Variants in ARHGEF28 observed in about 807,000 individuals in gnomAD.
ARHGEF28 encodes Rho guanine nucleotide exchange factor 28.
A neutral mutation model predicts 206.6 loss-of-function variants in ARHGEF28; 152 were observed. The ratio of observed to expected loss-of-function variants is 0.74; its 90% confidence interval spans 0.64 to 0.84. The LOEUF (loss-of-function observed/expected upper bound fraction) is 0.84. Among genes scored for constraint, ARHGEF28 ranks in the 40% least tolerant of loss-of-function variants. The probability of loss-of-function intolerance (pLI) is 0.00; values close to 1 mark genes in which losing one functional copy is unlikely to be tolerated. For missense variants in ARHGEF28, 2,028 were observed against 2,073.2 expected, an observed-to-expected ratio of 0.98 and a Z score of 0.42; for synonymous variants, 763 against 776.4, an observed-to-expected ratio of 0.98 and a Z score of 0.29.
intron 9 of ARHGEF28, among the ~76,000 whole-genome samples, chr5:73,810,012 G>GAAA (rs200779340): frequency 6.6e-6 from 1 of 151,572 alleles, no homozygotes; most frequent in Non-Finnish European, 1.5e-5. Flanking sequence ...ATAAACTACA[G>GAAA]AAAAAAAACC....
intron 16 of ARHGEF28, 116 bp downstream of exon 16, chr5:73,858,335 T>C: frequency 3.8e-6 from 5 of 1,320,380 alleles, no homozygotes; most frequent in Admixed American, 2.7e-5. Context: ...CACATATGAC[T>C]GAACCGTTTA....
intron 22 of ARHGEF28, among the ~76,000 whole-genome samples, chr5:73,874,613 C>A (rs1468844925): frequency 7.2e-6 from 1 of 138,530 alleles, no homozygotes; most frequent in Non-Finnish European, 1.5e-5. Context: ...GATCCCCTTC[C>A]AGTGTCCATG....
intron 4 of ARHGEF28, among the ~76,000 whole-genome samples, chr5:73,756,637 G>A (rs758825198): frequency 3.3e-5 from 5 of 152,142 alleles, no homozygotes; most frequent in Non-Finnish European, 5.9e-5. Flanking sequence ...TATGTATGTA[G>A]GGGCTCATAT....
chr5:73,901,564 G>T, intron 31 of ARHGEF28: 1 of 189,378 alleles, frequency 5.3e-6, no homozygotes, highest in South Asian at 1.1e-4. Context: ...TCTGACTTCT[G>T]GTCTTTCTGC....
chr5:73,718,610 C>T (rs572455979), intron 2 of ARHGEF28, among the ~76,000 whole-genome samples: 15 of 152,162 alleles, frequency 9.9e-5, no homozygotes, highest in Admixed American at 3.3e-4. Context: ...ATGTCTGGGC[C>T]CAGATGTGTT....
At chr5:73,799,798 T>C (rs1051301277) in intron 9 of ARHGEF28, among the ~76,000 whole-genome samples, 1 of 152,126 alleles carries the variant, frequency 6.6e-6, no homozygotes, top group Non-Finnish European at 1.5e-5. Flanking sequence ...GATAGGGAGA[T>C]AGAGACACTC....
At chr5:73,897,146 C>T (rs1762004349) in intron 29 of ARHGEF28, among the ~76,000 whole-genome samples, 1 of 152,230 alleles carries the variant, frequency 6.6e-6, no homozygotes, top group South Asian at 2.1e-4. Context: ...CCTTCCAGGT[C>T]CTGCTCAGTT....
At chr5:73,893,846 G>A (rs1761798461) in intron 28 of ARHGEF28, among the ~76,000 whole-genome samples, 1 of 152,208 alleles carries the variant, frequency 6.6e-6, no homozygotes, top group Non-Finnish European at 1.5e-5. Flanking sequence ...GCACAGAGGG[G>A]ACTGAGAATT....
chr5:73,830,560 G>GA (rs57559151), intron 9 of ARHGEF28, among the ~76,000 whole-genome samples: 25 of 127,208 alleles, frequency 2.0e-4, no homozygotes, highest in Admixed American at 3.2e-4. Context: ...CTCAAAAAAA[G>GA]AAAAAAAAAA....
intron 27 of ARHGEF28, 108 bp downstream of exon 27, chr5:73,892,338 G>A (rs1239083153): frequency 9.1e-6 from 11 of 1,210,870 alleles, no homozygotes; most frequent in Admixed American, 2.4e-5. Flanking sequence ...AGAATGGTCT[G>A]CCCCCTGCCC....
intron 21 of ARHGEF28, 28 bp from the exon 22 acceptor site, chr5:73,872,971 A>G: frequency 6.2e-7 from 1 of 1,605,140 alleles, no homozygotes; most frequent in East Asian, 2.2e-5. Context: ...AAGCTTGTTT[A>G]AGGCTTATGT....
Position 73,909,644 on chromosome 5 carries a change from A to C in ARHGEF28, c.4394A>C (p.Gln1465Pro), listed in dbSNP as rs1256918793. The change falls in exon 34 of 36, where the codon CAG (glutamine) becomes CCG (proline). Residue 1465 changes from glutamine (Q) to proline (P), a missense_variant. Physicochemically the swap from Gln to Pro is moderately conservative, Grantham distance 76. Coordinates refer to ENST00000513042, the MANE Select transcript of ARHGEF28 (RefSeq NM_001177693.2). The stretch of plus-strand genomic sequence containing the variant: ...AGGTGTGAGCAGCAGCAGCGGGCGC[A>C]GGCGACCAGGGAGAGCTGGCTGCAG... ...LRRCEQQQRA[Q>P]ATRESWLQER... is the part of the protein sequence containing the mutation. The C allele has an allele frequency of 1.3e-6, 2 of 1,548,220 alleles. No individual in the cohort carries two copies. The highest frequency in any genetic ancestry group is 1.7e-6 in the Non-Finnish European group (2 of 1,146,116).
intron 35 of ARHGEF28, among the ~76,000 whole-genome samples, chr5:73,916,171 A>AAC (rs140358056): frequency 0.012 from 1,894 of 152,302 alleles, 29 homozygotes; most frequent in African/African-American, 0.043. Flanking sequence ...GTATTTAAAT[A>AAC]AGTCTTAAGA....
At chr5:73,662,982 A>G (rs1167831994) in intron 1 of ARHGEF28, among the ~76,000 whole-genome samples, 5 of 152,098 alleles carry the variant, frequency 3.3e-5, no homozygotes, top group Non-Finnish European at 5.9e-5. Context: ...TTGAGACAAG[A>G]TCTCACTCTG....
At chr5:73,715,813 A>C (rs1470580483) in intron 2 of ARHGEF28, among the ~76,000 whole-genome samples, 2 of 152,152 alleles carry the variant, frequency 1.3e-5, no homozygotes, top group Non-Finnish European at 2.9e-5. Context: ...ATCTCTGAGG[A>C]GTTGTGCCTT....
chr5:73,923,165 G>A (rs1763613699), intron 35 of ARHGEF28: 4 of 1,535,340 alleles, frequency 2.6e-6, no homozygotes, highest in South Asian at 1.2e-5. Flanking sequence ...ACTTTGAAAG[G>A]TAATACTGCA....
Position 73,842,589 on chromosome 5 carries a change from T to C in ARHGEF28, c.1427+1829T>C, listed in dbSNP as rs114302424. 7.8e-3 allele frequency among the ~76,000 whole-genome samples: 1,186 copies of C among 152,322 alleles called. 16 individuals are homozygous for C. The highest frequency in any genetic ancestry group is 0.027 in the African/African-American group (1,113 of 41,550). ...TAATTTGAACTGTCCACACGTCTGC[T>C]TGGGACAAGAGACTGCCAGTCCACA... On this transcript the variant is annotated intron_variant, in intron 11 of 35. Coordinates refer to ENST00000513042, the MANE Select transcript of ARHGEF28 (RefSeq NM_001177693.2).
At chr5:73,673,469 A>T (rs1746473197) in intron 1 of ARHGEF28, among the ~76,000 whole-genome samples, 8 of 152,248 alleles carry the variant, frequency 5.3e-5, no homozygotes, top group Admixed American at 4.6e-4. Context: ...TCTTACATTT[A>T]TTTGGTACAA....
chr5:73,726,421 T>C (rs1385324765), intron 2 of ARHGEF28, among the ~76,000 whole-genome samples: 2 of 152,238 alleles, frequency 1.3e-5, no homozygotes, highest in Non-Finnish European at 2.9e-5. Flanking sequence ...AAGAGTTGAT[T>C]TAGAGCTTAG....
Sources: allele counts gnomAD v4.1 joint callset (sites outside exome capture counted in the v4.1 genomes callset), GRCh38; gene constraint gnomAD v4.1.1; transcripts MANE v1.5; gene names NCBI Gene and HGNC (gene_info 2026-07-23, HGNC 2026-07-21).